Variants in PLEKHA3 observed in about 807,000 individuals in gnomAD.
PLEKHA3 encodes pleckstrin homology domain-containing family A member 3.
PLEKHA3 carries 19 observed loss-of-function variants against 39.2 expected under a neutral mutation model. The observed-to-expected ratio is 0.48, with a 90% CI of 0.34 to 0.71. PLEKHA3 has a LOEUF of 0.71. Ranked by LOEUF, PLEKHA3 falls within the 30% of genes least tolerant of loss-of-function variation. The pLI is 0.01. For synonymous variants in PLEKHA3, 97 were observed against 118.6 expected, an observed-to-expected ratio of 0.82 and a Z score of 1.18; for missense variants, 253 against 359.5, an observed-to-expected ratio of 0.70 and a Z score of 2.40.
chr2:178,491,178 T>G (rs1353293522), intron 3 of PLEKHA3, among the ~76,000 whole-genome samples: 1 of 151,974 alleles, frequency 6.6e-6, no homozygotes, highest in Non-Finnish European at 1.5e-5. Flanking sequence ...GCCTGGCTAA[T>G]TTTTGTATTT....
chr2:178,487,302 TTAG>T (rs1249606569), intron 2 of PLEKHA3, among the ~76,000 whole-genome samples: 3 of 152,330 alleles, frequency 2.0e-5, no homozygotes, highest in East Asian at 3.9e-4. Flanking sequence ...CTAAACTGAC[TTAG>T]TAGGATTCTT....
chr2:178,492,471 G>T (rs147415789), intron 3 of PLEKHA3, among the ~76,000 whole-genome samples: 2 of 116,260 alleles, frequency 1.7e-5, no homozygotes, highest in Non-Finnish European at 3.3e-5. Context: ...AGCTAATCAT[G>T]TGGGGTGGGG....
intron 2 of PLEKHA3, among the ~76,000 whole-genome samples, 196 bp downstream of exon 2, chr2:178,485,953 A>G (rs1012623098): frequency 3.3e-5 from 5 of 152,204 alleles, no homozygotes; most frequent in African/African-American, 9.6e-5. Flanking sequence ...TCCCTCTACA[A>G]ATGTATTTTT....
At position 178,514,318 on chromosome 2, in the gene PLEKHA3, T is replaced by TA. The variant is rs1198865136; in HGVS notation, c.*10432dup. 2.6e-5 allele frequency: 4 copies of TA among 152,156 alleles called. No individual in the cohort carries two copies. The highest frequency in any genetic ancestry group is 6.5e-5 in the Admixed American group (1 of 15,278). The allele number at this position is 152,156 out of a possible 1,614,324, so 9.4% of individuals were successfully genotyped here. A position where few individuals can be genotyped will look rare whatever the true frequency, so the allele number is the denominator to read the frequency against. On this transcript the variant is annotated 3_prime_UTR_variant, in exon 8 of 8. Transcript: ENST00000234453. ...TTGATTAATGATGTCTGCATGGGCT[T>TA]ACTAAGAGGGTGTGGGGAATGGTGG...
chr2:178,495,687 C>T (rs976604733), intron 5 of PLEKHA3, 27 bp downstream of exon 5: 1 of 1,576,666 alleles, frequency 6.3e-7, no homozygotes, highest in African/African-American at 1.4e-5. Flanking sequence ...TTGGTTTTTT[C>T]CCTCAGTAGT....
Position 178,504,987 on chromosome 2 carries a change from TTAAAAC to T in PLEKHA3, c.*1101_*1106del, listed in dbSNP as rs1194538156. ...TTTAAGGTTTTGGATAAGGAGCACT[TTAAAAC>T]AAACTGGTGTGTTGTTTTTAAGTTA... On this transcript the variant is annotated 3_prime_UTR_variant, in exon 8 of 8. Transcript: ENST00000234453. The T allele has an allele frequency of 6.6e-6, 1 of 152,456 alleles. No individual in the cohort carries two copies. The allele number at this position is 152,456 out of a possible 1,614,324, so 9.4% of individuals were successfully genotyped here.
In PLEKHA3 at chr2:178,511,035, C is replaced by A. The variant is rs2154128262; in HGVS notation, c.*7148C>A. On this transcript the variant is annotated 3_prime_UTR_variant, in exon 8 of 8. Transcript: ENST00000234453. ...AATCTCTTTCAGATATTTTAAGTAT[C>A]TTTTTTGTGTCTGGATTCAGAGAGG... 1.3e-5 allele frequency: 2 copies of A among 152,084 alleles called. No individual in the cohort carries two copies. The highest frequency in any genetic ancestry group is 2.1e-4 in the South Asian group (1 of 4,808). The allele number at this position is 152,084 out of a possible 1,614,324, so 9.4% of individuals were successfully genotyped here.
At chr2:178,488,044 C>CA (rs1685279726) in intron 2 of PLEKHA3, among the ~76,000 whole-genome samples, 1 of 151,656 alleles carries the variant, frequency 6.6e-6, no homozygotes, top group Non-Finnish European at 1.5e-5. Context: ...GAGGCCAAGG[C>CA]AGGCAGATCG....
Position 178,508,789 on chromosome 2 carries a change from C to G in PLEKHA3, c.*4902C>G, listed in dbSNP as rs1031778588. On this transcript the variant is annotated 3_prime_UTR_variant, in exon 8 of 8. Coordinates refer to ENST00000234453, the MANE Select transcript of PLEKHA3 (RefSeq NM_019091.4). ...CTCATGCCCATCCGGCCCCACCCCC[C>G]AAATCCTCCTCTGGCTGCTGACCCT... is the stretch of plus-strand genomic sequence containing the variant. 9 of 153,958 alleles carry G rather than the reference C, an allele frequency of 5.8e-5. No individual in the cohort carries two copies. Among genetic ancestry groups the G allele is most frequent in the African/African-American group, 2.2e-4 (9 of 41,558 alleles). 9.5% of individuals were successfully genotyped at this position (153,958 alleles called of 1,614,324 possible).
In PLEKHA3 at chr2:178,515,413, A is replaced by C. The variant is rs189584959; in HGVS notation, c.*11526A>C. ...AAAAAAAGACATATGAACTTTTCTCATTCTGTCTACCTTTTTAAAATTTTA... is the reference window on the plus strand; with the variant it reads ...AAAAAAAGACATATGAACTTTTCTCCTTCTGTCTACCTTTTTAAAATTTTA... On this transcript the variant is annotated 3_prime_UTR_variant, in exon 8 of 8. Coordinates refer to ENST00000234453, the MANE Select transcript of PLEKHA3 (RefSeq NM_019091.4). 278 of 152,194 alleles carry C rather than the reference A, an allele frequency of 1.8e-3. No individual in the cohort carries two copies. The highest frequency in any genetic ancestry group is 6.3e-3 in the African/African-American group (263 of 41,544). 9.4% of individuals were successfully genotyped at this position (152,194 alleles called of 1,614,324 possible).
chr2:178,501,150 G>A lies in PLEKHA3; in HGVS notation c.749G>A (p.Ser250Asn), dbSNP rs1326384627. ...RRTYSDTDSCSDIPLEDPDRP... is the reference protein window; with the variant it reads ...RRTYSDTDSCNDIPLEDPDRP... ...ACCTACTCAGATACAGATTCTTGTAGTGATATTCCTCTTGAAGACCCAGAT... is the reference window on the plus strand; with the variant it reads ...ACCTACTCAGATACAGATTCTTGTAATGATATTCCTCTTGAAGACCCAGAT... Residue 250 changes from serine to asparagine, a missense_variant, in exon 7 of 8, where the codon AGT (serine) becomes AAT (asparagine). Physicochemically the swap from Ser to Asn is conservative, Grantham distance 46. Coordinates refer to ENST00000234453, the MANE Select transcript of PLEKHA3 (RefSeq NM_019091.4). 2.5e-6 allele frequency: 4 copies of A among 1,612,882 alleles called. No homozygotes were observed. Among genetic ancestry groups the A allele is most frequent in the Admixed American group, 1.7e-5 (1 of 59,944 alleles).
At chr2:178,501,451 A>G (rs1685528688) in intron 7 of PLEKHA3, among the ~76,000 whole-genome samples, 1 of 151,974 alleles carries the variant, frequency 6.6e-6, no homozygotes, top group Non-Finnish European at 1.5e-5. Context: ...TACCACCACT[A>G]GGACTTAAAA....
chr2:178,482,552 C>CA (rs557529546), intron 1 of PLEKHA3, among the ~76,000 whole-genome samples: 6,180 of 89,202 alleles, frequency 0.069, 240 homozygotes, highest in African/African-American at 0.1. Flanking sequence ...GATCCTGTCT[C>CA]AAAAAAAAAA....
At chr2:178,484,795 G>C (rs185923989) in intron 1 of PLEKHA3, among the ~76,000 whole-genome samples, 2 of 152,220 alleles carry the variant, frequency 1.3e-5, no homozygotes, top group Admixed American at 1.3e-4. Context: ...ACCAAGTTTG[G>C]CTTCAAAGAG....
intron 3 of PLEKHA3, among the ~76,000 whole-genome samples, chr2:178,492,136 T>C (rs1685357868): frequency 6.6e-6 from 1 of 152,188 alleles, no homozygotes; most frequent in Non-Finnish European, 1.5e-5. Flanking sequence ...CAAAATTTTT[T>C]ATTAAGTATG....
rs1205173613 is a variant in PLEKHA3, at chr2:178,507,314, A to C, written c.*3427A>C. ...TTAGTTAGAACAAACTTTTTGTGAAATAGATAGACATAAATGTAGTTCACT... is the reference window on the plus strand; with the variant it reads ...TTAGTTAGAACAAACTTTTTGTGAACTAGATAGACATAAATGTAGTTCACT... On this transcript the variant is annotated 3_prime_UTR_variant, in exon 8 of 8. Transcript: ENST00000234453. The C allele has an allele frequency of 1.3e-5, 2 of 152,224 alleles. No homozygotes were observed. The highest frequency in any genetic ancestry group is 2.9e-5 in the Non-Finnish European group (2 of 68,028). The allele number at this position is 152,224 out of a possible 1,614,324, so 9.4% of individuals were successfully genotyped here.
rs764109220 is a variant in PLEKHA3 at position 178,485,766 on chromosome 2, A to C, written c.157+9A>C. The C allele has an allele frequency of 7.0e-6, 11 of 1,581,546 alleles. No homozygotes were observed. Among genetic ancestry groups the C allele is most frequent in the Admixed American group, 3.3e-5 (2 of 59,926 alleles). On this transcript the variant is annotated intron_variant, in intron 2 of 7. Coordinates refer to ENST00000234453, the MANE Select transcript of PLEKHA3 (RefSeq NM_019091.4). ...AGTTTGTGAAATTAAAGGTAAGTGAATATACAGAATTAGAGGAATTGGAGG... is the reference window on the plus strand; with the variant it reads ...AGTTTGTGAAATTAAAGGTAAGTGACTATACAGAATTAGAGGAATTGGAGG...
At position 178,480,688 on chromosome 2, in the gene PLEKHA3, T is replaced by A. The variant is rs374659026; in HGVS notation, c.-182T>A. 1 of 390,678 alleles carries A rather than the reference T, an allele frequency of 2.6e-6. No homozygotes were observed. Among genetic ancestry groups the A allele is most frequent in the Non-Finnish European group, 4.4e-6 (1 of 229,528 alleles). 24.2% of individuals were successfully genotyped at this position (390,678 alleles called of 1,614,324 possible). A position where few individuals can be genotyped will look rare whatever the true frequency, so the allele number is the denominator to read the frequency against. ...GCCTCGCGGCCCCCAAGCTCCACGC[T>A]GCGCCCGCTGTCCCGGCCTCTAAAG... On this transcript the variant is annotated 5_prime_UTR_variant, in exon 1 of 8. Transcript: ENST00000234453.
At chr2:178,492,650 C>T (rs973036166) in intron 3 of PLEKHA3, among the ~76,000 whole-genome samples, 1 of 149,942 alleles carries the variant, frequency 6.7e-6, no homozygotes, top group Non-Finnish European at 1.5e-5. Context: ...AAAAGCTAAT[C>T]ACAGAAGGAC....
Sources: gnomAD v4.1 joint callset for allele counts (sites outside exome capture counted in the v4.1 genomes callset) on GRCh38, gnomAD v4.1.1 for gene constraint, MANE v1.5 for transcripts, NCBI Gene and HGNC (gene_info 2026-07-23, HGNC 2026-07-21) for gene names.